Variants in DPP6 observed in about 807,000 individuals in gnomAD.
The protein encoded by DPP6 is A-type potassium channel modulatory protein DPP6.
DPP6 carries 69 observed loss-of-function variants against 122.6 expected under a neutral mutation model. The ratio of observed to expected loss-of-function variants is 0.56; its 90% CI spans 0.46 to 0.69. The LOEUF (loss-of-function observed/expected upper bound fraction) is 0.69, where lower values mean the gene tolerates loss of function less well. DPP6 is among the 30% of genes least tolerant of loss of function. The probability of loss-of-function intolerance (pLI) is 0.00; values close to 1 mark genes in which losing one functional copy is unlikely to be tolerated. For synonymous variants in DPP6, 418 were observed against 433.1 expected (o/e 0.97, Z 0.43); for missense variants, 928 against 1,116.9 (o/e 0.83, Z 2.41).
At chr7:154,033,580 C>A (rs1447446494) in intron 1 of DPP6, among the ~76,000 whole-genome samples, 1 of 152,244 alleles carries the variant, frequency 6.6e-6, no homozygotes, top group African/African-American at 2.4e-5. Flanking sequence ...CAAGGCTTTA[C>A]ATCCTCCTCA....
intron 1 of DPP6, among the ~76,000 whole-genome samples, chr7:154,324,343 C>A (rs7803191): frequency 2.6e-5 from 4 of 152,214 alleles, no homozygotes; most frequent in South Asian, 2.1e-4. Context: ...TGCGCTCCCC[C>A]CTTTGAATCA....
intron 1 of DPP6, among the ~76,000 whole-genome samples, chr7:154,395,945 A>T: frequency 1.6e-5 from 1 of 64,336 alleles, no homozygotes. Flanking sequence ...TAATTTCTTG[A>T]GTTTTTTTTT....
At chr7:153,889,547 G>A (rs985160627) in intron 1 of DPP6, among the ~76,000 whole-genome samples, 1 of 152,194 alleles carries the variant, frequency 6.6e-6, no homozygotes, top group African/African-American at 2.4e-5. Context: ...TGGCATGAAA[G>A]AGCCAAATCT....
chr7:154,498,280 A>G (rs1824923082), intron 3 of DPP6, among the ~76,000 whole-genome samples: 1 of 152,200 alleles, frequency 6.6e-6, no homozygotes, highest in African/African-American at 2.4e-5. Context: ...TGGGTTAACC[A>G]AATACGCAAT....
intron 1 of DPP6, among the ~76,000 whole-genome samples, chr7:154,338,933 G>A (rs2151055628): frequency 6.6e-6 from 1 of 152,296 alleles, no homozygotes; most frequent in East Asian, 1.9e-4. Context: ...CTCTTACGGA[G>A]CAGCCTCAAT....
chr7:154,852,253 T>A (rs10282427), intron 16 of DPP6, among the ~76,000 whole-genome samples: 1 of 152,006 alleles, frequency 6.6e-6, no homozygotes, highest in Admixed American at 6.6e-5. Flanking sequence ...ACTCCACCCA[T>A]CCCCCTGCCC....
At chr7:154,189,439 A>G (rs369056401) in intron 1 of DPP6, among the ~76,000 whole-genome samples, 7 of 152,332 alleles carry the variant, frequency 4.6e-5, no homozygotes, top group South Asian at 4.1e-4. Flanking sequence ...TAAAATAACT[A>G]GCACATAGTA....
chr7:154,582,674 C>T (rs989291029), intron 5 of DPP6, among the ~76,000 whole-genome samples: 1 of 152,202 alleles, frequency 6.6e-6, no homozygotes, highest in Non-Finnish European at 1.5e-5. Flanking sequence ...TCTCCCACCG[C>T]AAAATAAAGC....
Position 153,901,866 on chromosome 7 carries a change from C to T in DPP6, c.51+14132C>T, listed in dbSNP as rs553094496. Among the ~76,000 whole-genome samples the T allele has an allele frequency of 2.0e-5, 3 of 152,272 alleles. No individual in the cohort carries two copies. In the East Asian group the frequency reaches 5.8e-4, roughly 29 times the overall value. ...GACTACTTCAACATGCATTTCTTTC[C>T]TTCTTTCTTCCTTGAGCTCCTTAAT... On this transcript the variant is annotated intron_variant, in intron 1 of 25. Transcript: ENST00000404039.
intron 1 of DPP6, chr7:154,305,345 C>G: frequency 2.0e-6 from 2 of 993,554 alleles, no homozygotes; most frequent in Non-Finnish European, 2.4e-6. Flanking sequence ...TACCCACCCT[C>G]CCTCCCCCAT....
chr7:154,504,551 TA>T (rs1237694396), intron 3 of DPP6, among the ~76,000 whole-genome samples: 1 of 152,180 alleles, frequency 6.6e-6, no homozygotes, highest in African/African-American at 2.4e-5. Context: ...CAAGAATAGA[TA>T]ACTCAAGGAT....
intron 6 of DPP6, among the ~76,000 whole-genome samples, chr7:154,643,684 G>T (rs536923782): frequency 1.6e-4 from 24 of 152,126 alleles, no homozygotes; most frequent in African/African-American, 4.8e-4. Flanking sequence ...TAGCTAGGAT[G>T]GTCTCGATCT....
At chr7:153,749,635 C>T in the DPP6 span, among the ~76,000 whole-genome samples, 2 of 152,198 alleles carry the variant, frequency 1.3e-5, no homozygotes, top group African/African-American at 2.4e-5. The surrounding 1 kb of genome is among the most constrained non-coding windows in gnomAD (Gnocchi z 4.1). Flanking sequence ...GAAACGTTTA[C>T]TCCCACGCGC....
intron 5 of DPP6, among the ~76,000 whole-genome samples, chr7:154,599,176 T>C (rs1233539990): frequency 6.6e-6 from 1 of 152,268 alleles, no homozygotes; most frequent in African/African-American, 2.4e-5. Context: ...AAAGAGCATA[T>C]TGATGCTTTG....
At chr7:154,712,181 C>T (rs1304894846) in intron 7 of DPP6, among the ~76,000 whole-genome samples, 1 of 152,142 alleles carries the variant, frequency 6.6e-6, no homozygotes, top group Non-Finnish European at 1.5e-5. Context: ...ATAGCAATAA[C>T]ACAGATAATA....
At chr7:154,407,603 A>G (rs1250197584) in intron 1 of DPP6, among the ~76,000 whole-genome samples, 1 of 152,190 alleles carries the variant, frequency 6.6e-6, no homozygotes, top group Non-Finnish European at 1.5e-5. Flanking sequence ...CTTACAGTTC[A>G]TTTTCCTTTT....
Position 154,403,339 on chromosome 7 carries a change from G to C in DPP6, c.244-42875G>C, listed in dbSNP as rs1815802668. Reference sequence around the variant, plus strand: ...CCGCCCACCGCTGTCCAAATGCCAAGTGGCGATTCAGGTACCTTAGGAGGA... The same window carrying C: ...CCGCCCACCGCTGTCCAAATGCCAACTGGCGATTCAGGTACCTTAGGAGGA... On this transcript the variant is annotated intron_variant, in intron 1 of 25. Coordinates refer to ENST00000377770, the MANE Select transcript of DPP6 (RefSeq NM_130797.4). The surrounding 1 kb of genome is among the most constrained non-coding windows in gnomAD (Gnocchi z 4.1). Among the ~76,000 whole-genome samples the C allele has an allele frequency of 6.6e-6, 1 of 152,334 alleles. No individual in the cohort carries two copies. Among genetic ancestry groups the C allele is most frequent in the East Asian group, 1.9e-4 (1 of 5,184 alleles).
chr7:154,739,816 T>C (rs1396269336), intron 8 of DPP6, among the ~76,000 whole-genome samples: 1 of 152,146 alleles, frequency 6.6e-6, no homozygotes, highest in Non-Finnish European at 1.5e-5. Context: ...GCCCTCAAAC[T>C]GCATGGGAGA....
intron 1 of DPP6, among the ~76,000 whole-genome samples, chr7:154,111,683 G>A (rs1269431053): frequency 6.7e-6 from 1 of 149,168 alleles, no homozygotes; most frequent in Admixed American, 6.7e-5. Flanking sequence ...GCATGATTTA[G>A]TTGAAATTAG....
Sources: gnomAD v4.1 joint callset for allele counts (sites outside exome capture counted in the v4.1 genomes callset) on GRCh38, gnomAD v4.1.1 for gene constraint, Gnocchi (gnomAD v3.1) non-coding constraint, MANE v1.5 for transcripts, NCBI Gene and HGNC (gene_info 2026-07-23, HGNC 2026-07-21) for gene names.